Variants in CDC40 observed in about 807,000 individuals in gnomAD.
CDC40 encodes the protein pre-mRNA-processing factor 17.
CDC40 carries 27 observed loss-of-function variants against 80.6 expected under a neutral mutation model. The ratio of observed to expected loss-of-function variants is 0.33; its 90% CI spans 0.25 to 0.46. The LOEUF (loss-of-function observed/expected upper bound fraction) is 0.46, where lower values mean the gene tolerates loss of function less well. Among genes scored for constraint, CDC40 ranks in the 20% least tolerant of loss-of-function variants. The probability of loss-of-function intolerance (pLI) is 1.00; values close to 1 mark genes in which losing one functional copy is unlikely to be tolerated. For synonymous variants in CDC40, 221 were observed against 232.6 expected, an observed-to-expected ratio of 0.95 and a Z score of 0.45; for missense variants, 486 against 694.1, an observed-to-expected ratio of 0.70 and a Z score of 3.37.
intron 2 of CDC40, 47 bp from the exon 3 acceptor site, chr6:110,201,511 T>G (rs1324253692): frequency 4.1e-6 from 6 of 1,454,856 alleles, no homozygotes; most frequent in Non-Finnish European, 5.6e-6. Context: ...CTCAGAACTT[T>G]TGTGTCTTTC....
At chr6:110,207,842 C>A (rs541584407) in intron 4 of CDC40, among the ~76,000 whole-genome samples, 1 of 152,246 alleles carries the variant, frequency 6.6e-6, no homozygotes, top group South Asian at 2.1e-4. Context: ...ACTTTGAGTA[C>A]TTGGCACCAT....
chr6:110,195,531 C>G (rs1389646828), intron 2 of CDC40, among the ~76,000 whole-genome samples: 1 of 152,016 alleles, frequency 6.6e-6, no homozygotes, highest in Admixed American at 6.6e-5. Flanking sequence ...CTTGGACGTT[C>G]TTAGTTTTTT....
chr6:110,222,200 G>A (rs1777786706), intron 12 of CDC40, among the ~76,000 whole-genome samples: 1 of 151,840 alleles, frequency 6.6e-6, no homozygotes, highest in East Asian at 1.9e-4. Context: ...GGCTGCCGTG[G>A]TCTATGCTTG....
intron 13 of CDC40, 60 bp from the exon 14 acceptor site, chr6:110,228,771 TA>T: frequency 1.5e-6 from 2 of 1,318,162 alleles, no homozygotes; most frequent in Non-Finnish European, 2.1e-6. Context: ...ATATTTAAAA[TA>T]AAAAGTTTTA....
chr6:110,215,371 T>A (rs757106504), intron 9 of CDC40, 40 bp downstream of exon 9: 1 of 1,501,442 alleles, frequency 6.7e-7, no homozygotes, highest in Non-Finnish European at 9.3e-7. Context: ...CTGGGAAGAA[T>A]TTTTAAAGTA....
At chr6:110,182,618 A>G (rs146344132) in intron 1 of CDC40, among the ~76,000 whole-genome samples, 105 of 152,074 alleles carry the variant, frequency 6.9e-4, no homozygotes, top group African/African-American at 2.2e-3. Flanking sequence ...CTTCCTTGCT[A>G]TTTTCACTGG....
chr6:110,191,948 T>C (rs944503364), intron 1 of CDC40, among the ~76,000 whole-genome samples: 1 of 152,230 alleles, frequency 6.6e-6, no homozygotes, highest in Admixed American at 6.5e-5. Flanking sequence ...GGAAAGGTAC[T>C]TACAATCAAA....
chr6:110,188,977 G>A (rs1290360696), intron 1 of CDC40, among the ~76,000 whole-genome samples: 3 of 152,202 alleles, frequency 2.0e-5, no homozygotes, highest in African/African-American at 7.2e-5. Context: ...AAACTCATAA[G>A]GATTTTATAA....
intron 2 of CDC40, among the ~76,000 whole-genome samples, chr6:110,196,072 C>G (rs1777415827): frequency 6.6e-6 from 1 of 152,198 alleles, no homozygotes; most frequent in African/African-American, 2.4e-5. Context: ...CATACCTCAT[C>G]TCCTTCAGTC....
chr6:110,218,821 A>AT (rs71865877), intron 10 of CDC40, among the ~76,000 whole-genome samples: 5,502 of 134,060 alleles, frequency 0.041, 203 homozygotes, highest in East Asian at 0.12. Flanking sequence ...ATATTCAGTG[A>AT]TTTTTTTTTT....
chr6:110,230,024 C>T lies in CDC40; in HGVS notation c.1633C>T (p.Arg545Ter), dbSNP rs1179186790. The change falls in exon 15 of 15, where the codon CGA (arginine) becomes TGA (stop). Residue 545 changes from arginine to a stop codon, truncating the protein, a stop_gained. Coordinates refer to ENST00000307731, the MANE Select transcript of CDC40 (RefSeq NM_015891.3). LOFTEE classifies it high-confidence loss of function. ...CTGGAAGACCACAAAACTCTACAGT[C>T]GATTTAAAGCTCATGATAAAGTGTG... ...WDWKTTKLYS[R>*]FKAHDKVCIG... is the part of the protein sequence containing the mutation. 6.2e-7 allele frequency: 1 copy of T among 1,611,802 alleles called. No homozygotes were observed. The highest frequency in any genetic ancestry group is 8.5e-7 in the Non-Finnish European group (1 of 1,178,140).
intron 1 of CDC40, among the ~76,000 whole-genome samples, chr6:110,184,470 T>G (rs2114646191): frequency 6.6e-6 from 1 of 152,004 alleles, no homozygotes; most frequent in East Asian, 1.9e-4. Flanking sequence ...CGGTGGATCT[T>G]ATTTTTATGC....
At chr6:110,207,658 TTTAA>T in intron 4 of CDC40, 69 bp downstream of exon 4, 1 of 851,654 alleles carries the variant, frequency 1.2e-6, no homozygotes, top group South Asian at 1.5e-5. Context: ...GCAGAGTGAC[TTTAA>T]TTAGACAGTA....
At chr6:110,206,228 C>T (rs527744178) in intron 3 of CDC40, among the ~76,000 whole-genome samples, 17 of 152,268 alleles carry the variant, frequency 1.1e-4, no homozygotes, top group South Asian at 4.1e-4. Flanking sequence ...AGCTACACCT[C>T]CCCGGTTCAC....
At chr6:110,201,332 A>G (rs543370356) in intron 2 of CDC40, among the ~76,000 whole-genome samples, 1 of 152,280 alleles carries the variant, frequency 6.6e-6, no homozygotes, top group South Asian at 2.1e-4. Context: ...AAATAGCTAC[A>G]TATAGATTTG....
intron 12 of CDC40, chr6:110,224,404 T>TG (rs1562208024): frequency 6.6e-6 from 1 of 152,024 alleles, no homozygotes; most frequent in Non-Finnish European, 1.5e-5. Context: ...ATTTTTGTGA[T>TG]GGAGTCTTGC....
chr6:110,213,387 GT>G (rs925612659), intron 8 of CDC40, among the ~76,000 whole-genome samples: 14 of 147,322 alleles, frequency 9.5e-5, no homozygotes, highest in African/African-American at 3.6e-4. Flanking sequence ...TTTGTTTTTT[GT>G]TTTTTTGTTT....
intron 5 of CDC40, 107 bp downstream of exon 5, chr6:110,209,330 C>A: frequency 1.1e-6 from 1 of 932,974 alleles, no homozygotes; most frequent in African/African-American, 1.7e-5. Flanking sequence ...AATGACTCAT[C>A]AAAATTTTTC....
intron 9 of CDC40, 101 bp downstream of exon 9, chr6:110,215,432 T>C (rs1777688112): frequency 1.1e-6 from 1 of 915,278 alleles, no homozygotes; most frequent in Admixed American, 1.9e-5. Context: ...AGTAAACTCT[T>C]CATAGATTTC....
Sources: allele counts gnomAD v4.1 joint callset (sites outside exome capture counted in the v4.1 genomes callset), GRCh38; gene constraint gnomAD v4.1.1; transcripts MANE v1.5; gene names NCBI Gene and HGNC (gene_info 2026-07-23, HGNC 2026-07-21).